PPP1R3A: variants seen among roughly 807,000 people sequenced by gnomAD.
The protein encoded by PPP1R3A is RG1.
In PPP1R3A, 29 loss-of-function variants were observed where a neutral mutation model predicts 41.7. The ratio of observed to expected loss-of-function variants is 0.70; its 90% confidence interval spans 0.52 to 0.95. PPP1R3A has a LOEUF of 0.95. Among genes scored for constraint, PPP1R3A ranks in the 40% least tolerant of loss-of-function variants. The probability of loss-of-function intolerance (pLI) is 0.00; values close to 1 mark genes in which losing one functional copy is unlikely to be tolerated. For missense variants in PPP1R3A, 1,352 were observed against 1,292.4 expected, an observed-to-expected ratio of 1.05 and a Z score of -0.71; for synonymous variants, 485 against 453.4, an observed-to-expected ratio of 1.07 and a Z score of -0.89.
intron 1 of PPP1R3A, among the ~76,000 whole-genome samples, chr7:113,912,941 T>C (rs73716346): frequency 0.1 from 15,483 of 151,980 alleles, 988 homozygotes; most frequent in Middle Eastern, 0.18. Context: ...AAAATCACTC[T>C]AGGGAAAGTC....
intron 1 of PPP1R3A, among the ~76,000 whole-genome samples, chr7:113,884,909 G>A (rs1380189939): frequency 6.6e-6 from 1 of 151,876 alleles, no homozygotes; most frequent in Non-Finnish European, 1.5e-5. Flanking sequence ...AAAACACATA[G>A]CCAATAAGCA....
intron 1 of PPP1R3A, among the ~76,000 whole-genome samples, chr7:113,886,428 G>C (rs1005066697): frequency 1.3e-5 from 2 of 152,106 alleles, no homozygotes; most frequent in Non-Finnish European, 2.9e-5. Flanking sequence ...GATGTGACTT[G>C]CTCCTCCTTG....
chr7:113,887,338 T>C (rs1478253519), intron 1 of PPP1R3A, among the ~76,000 whole-genome samples: 2 of 151,984 alleles, frequency 1.3e-5, no homozygotes, highest in Admixed American at 1.3e-4. Context: ...TATAATATAG[T>C]CATCTATATT....
intron 3 of PPP1R3A, 59 bp downstream of exon 3, chr7:113,881,980 C>G: frequency 6.3e-7 from 1 of 1,597,036 alleles, no homozygotes; most frequent in East Asian, 2.2e-5. Context: ...GGCATTGCAG[C>G]ATCTTTGAAG....
intron 1 of PPP1R3A, among the ~76,000 whole-genome samples, chr7:113,913,968 A>T (rs1050643373): frequency 2.6e-5 from 4 of 152,016 alleles, no homozygotes; most frequent in Admixed American, 2.0e-4. Context: ...TCAGTTATCG[A>T]TACTGCTGCC....
chr7:113,890,772 TTG>T (rs1436438841), intron 1 of PPP1R3A, among the ~76,000 whole-genome samples: 2 of 151,850 alleles, frequency 1.3e-5, no homozygotes, highest in Non-Finnish European at 2.9e-5. Context: ...CAAAAATAAT[TTG>T]TGTTTCTAAG....
intron 3 of PPP1R3A, 126 bp from the exon 4 acceptor site, chr7:113,880,251 T>C (rs1796669604): frequency 3.2e-6 from 3 of 926,324 alleles, no homozygotes; most frequent in South Asian, 3.5e-5. Flanking sequence ...ATTTCATTTG[T>C]GGATTTCATA....
At chr7:113,915,711 T>C (rs1212726838) in intron 1 of PPP1R3A, among the ~76,000 whole-genome samples, 1 of 151,486 alleles carries the variant, frequency 6.6e-6, no homozygotes, top group Non-Finnish European at 1.5e-5. Context: ...TGCTCAGAAA[T>C]GACCCATTTA....
At position 113,878,841 on chromosome 7, in the gene PPP1R3A, T is replaced by C. The variant is rs1195633127; in HGVS notation, c.2251A>G (p.Ile751Val). 1.9e-6 allele frequency: 3 copies of C among 1,613,274 alleles called. No individual in the cohort carries two copies. Among genetic ancestry groups the C allele is most frequent in the South Asian group, 1.1e-5 (1 of 91,090 alleles). The change falls in exon 4 of 4, where the codon ATA becomes GTA. Residue 751 changes from isoleucine to valine, a missense_variant. Physicochemically the swap from Ile to Val is conservative, Grantham distance 29. Coordinates refer to ENST00000284601, the MANE Select transcript of PPP1R3A (RefSeq NM_002711.4). The stretch of plus-strand genomic sequence containing the variant: ...GTCTCTTGAGGTAGCTTAGCAATTA[T>C]TGCTTTTTCTCTAGCAGACATGCTT... ...PESMSAREKAIIAKLPQETAR... is the reference protein window; with the variant it reads ...PESMSAREKAVIAKLPQETAR...
Position 113,901,866 on chromosome 7 carries a change from C to A in PPP1R3A, c.782+16349G>T, listed in dbSNP as rs144666032. 1.5e-3 allele frequency among the ~76,000 whole-genome samples: 235 copies of A among 151,842 alleles called. 1 individual carries two copies. In the Middle Eastern group the frequency reaches 0.024, roughly 15 times the overall value. On this transcript the variant is annotated intron_variant, in intron 1 of 3. Transcript: ENST00000284601. The stretch of plus-strand genomic sequence containing the variant: ...GTCACAATGGAGATAATAACATCAG[C>A]CTGACCTACATCACAGGGTTGTCGA...
chr7:113,880,148 G>T, intron 3 of PPP1R3A, 23 bp from the exon 4 acceptor site: 1 of 1,555,964 alleles, frequency 6.4e-7, no homozygotes, highest in Non-Finnish European at 8.9e-7. Flanking sequence ...AAACAACAAA[G>T]AAATAATGAC....
At chr7:113,906,721 A>T (rs936009350) in intron 1 of PPP1R3A, among the ~76,000 whole-genome samples, 1 of 151,842 alleles carries the variant, frequency 6.6e-6, no homozygotes, top group African/African-American at 2.4e-5. Flanking sequence ...TCTATGAGAA[A>T]ACTATTTGGC....
rs370224655 is a variant in PPP1R3A at position 113,876,969 on chromosome 7, T to G, written c.*754A>C. The G allele has an allele frequency of 1.3e-4, 20 of 152,102 alleles. 1 individual carries two copies. The highest frequency in any genetic ancestry group is 4.8e-4 in the African/African-American group (20 of 41,554). The allele number at this position is 152,102 out of a possible 1,614,324, so 9.4% of individuals were successfully genotyped here. ...AGTTGACACTGAAATAGTTCAGCTG[T>G]GTTACAGTCTTCCCTCACAAGAGAA... is the stretch of plus-strand genomic sequence containing the variant. On this transcript the variant is annotated 3_prime_UTR_variant, in exon 4 of 4. Transcript: ENST00000284601.
At chr7:113,910,663 C>T (rs2129120497) in intron 1 of PPP1R3A, among the ~76,000 whole-genome samples, 1 of 152,028 alleles carries the variant, frequency 6.6e-6, no homozygotes, top group Non-Finnish European at 1.5e-5. Flanking sequence ...GTTTGTGAAA[C>T]TGAAATTTAT....
rs562055126 is a variant in PPP1R3A, at chr7:113,878,590, CCT to C, written c.2500_2501del (p.Arg834GlyfsTer49). The C allele has an allele frequency of 4.3e-6, 7 of 1,613,592 alleles. No individual in the cohort carries two copies. Among genetic ancestry groups the C allele is most frequent in the South Asian group, 1.1e-5 (1 of 91,076 alleles). Reference protein sequence around the residue: ...SMYNPRKTHDREKCGTGNITS... With the variant: ...SMYNPRKTHDXEKCGTGNITS... ...TTATATTTCCAGTGCCACATTTCTC[CCT>C]GTCATGTGTCTTCCTAGGATTGTAC... On this transcript the variant is annotated frameshift_variant, in exon 4 of 4. Transcript: ENST00000284601. LOFTEE classifies it low-confidence loss of function (END_TRUNC).
intron 1 of PPP1R3A, among the ~76,000 whole-genome samples, chr7:113,886,097 A>G (rs1796780652): frequency 6.6e-6 from 1 of 151,760 alleles, no homozygotes; most frequent in Non-Finnish European, 1.5e-5. Context: ...TTTGTTATAT[A>G]TTACAAATTA....
chr7:113,880,779 G>T (rs538142602), intron 3 of PPP1R3A, among the ~76,000 whole-genome samples: 3 of 150,216 alleles, frequency 2.0e-5, no homozygotes, highest in African/African-American at 7.4e-5. Flanking sequence ...CAAATCTTAC[G>T]TTTTCCCCTT....
At chr7:113,890,259 C>T (rs971598399) in intron 1 of PPP1R3A, among the ~76,000 whole-genome samples, 9 of 152,224 alleles carry the variant, frequency 5.9e-5, no homozygotes, top group Middle Eastern at 3.4e-3. Context: ...GTGAAAATGA[C>T]CTGGTACAAA....
intron 1 of PPP1R3A, among the ~76,000 whole-genome samples, chr7:113,899,927 G>A (rs139854521): frequency 1.5e-3 from 226 of 151,884 alleles, no homozygotes; most frequent in Non-Finnish European, 2.5e-3. Context: ...GAGTGAGGAC[G>A]AGAGGGGCAT....
Sources: allele counts gnomAD v4.1 joint callset (sites outside exome capture counted in the v4.1 genomes callset), GRCh38; gene constraint gnomAD v4.1.1; transcripts MANE v1.5; gene names NCBI Gene and HGNC (gene_info 2026-07-23, HGNC 2026-07-21).